BTG4: variants seen among roughly 807,000 people sequenced by gnomAD.
BTG4 encodes the protein protein BTG4.
Under a neutral mutation model 19.3 loss-of-function variants are expected in BTG4, and 10 were observed. The ratio of observed to expected loss-of-function variants is 0.52; its 90% CI spans 0.32 to 0.88. BTG4 has a LOEUF of 0.88. Ranked by LOEUF, BTG4 falls within the 40% of genes least tolerant of loss-of-function variation. The pLI is 0.04. For missense variants in BTG4, 238 were observed against 281.9 expected, an observed-to-expected ratio of 0.84 and a Z score of 1.11; for synonymous variants, 91 against 95.7, an observed-to-expected ratio of 0.95 and a Z score of 0.29.
chr11:111,436,487 G>A, the BTG4 span, among the ~76,000 whole-genome samples: 6 of 152,198 alleles, frequency 3.9e-5, no homozygotes, highest in East Asian at 1.9e-4. Flanking sequence ...TTAGCTGGGC[G>A]TGGTAGTGGG....
the BTG4 span, among the ~76,000 whole-genome samples, chr11:111,447,027 C>T: frequency 3.3e-5 from 5 of 152,180 alleles, no homozygotes; most frequent in Admixed American, 3.3e-4. Flanking sequence ...CGTGGCTGTC[C>T]CCCCACAGGT....
intron 5 of BTG4, among the ~76,000 whole-genome samples, chr11:111,478,941 G>GA (rs983014774): frequency 3.4e-5 from 5 of 145,272 alleles, no homozygotes; most frequent in Admixed American, 1.4e-4. Context: ...GGGGTAGGCT[G>GA]AAAAAAAATA....
the BTG4 span, chr11:111,398,021 C>T: frequency 1.3e-5 from 2 of 152,234 alleles, no homozygotes; most frequent in Admixed American, 6.5e-5. Flanking sequence ...CTGTCTACCA[C>T]TCTCACTTGT....
intron 1 of BTG4, among the ~76,000 whole-genome samples, chr11:111,503,016 T>C (rs1165187541): frequency 6.6e-6 from 1 of 152,212 alleles, no homozygotes; most frequent in Non-Finnish European, 1.5e-5. Context: ...AACACTCACT[T>C]AGTGACTATT....
chr11:111,437,149 A>G, the BTG4 span, among the ~76,000 whole-genome samples: 1 of 152,002 alleles, frequency 6.6e-6, no homozygotes, highest in Non-Finnish European at 1.5e-5. Flanking sequence ...CCTCAGAAGA[A>G]CATCTGCTCC....
At chr11:111,488,041 A>G (rs1481363079) in intron 5 of BTG4, among the ~76,000 whole-genome samples, 1 of 152,194 alleles carries the variant, frequency 6.6e-6, no homozygotes, top group Non-Finnish European at 1.5e-5. Context: ...AAAGCAGTCT[A>G]CAGATTCAAT....
the BTG4 span, among the ~76,000 whole-genome samples, chr11:111,442,065 C>CA: frequency 4.0e-5 from 6 of 151,266 alleles, no homozygotes; most frequent in African/African-American, 1.5e-4. Context: ...TCTCAAAAAA[C>CA]AAAAAAAGAA....
intron 5 of BTG4, among the ~76,000 whole-genome samples, chr11:111,481,098 G>C (rs551775220): frequency 1.1e-4 from 17 of 151,840 alleles, no homozygotes; most frequent in African/African-American, 3.6e-4. Flanking sequence ...TATCAAGAAT[G>C]AATGTAGGGA....
At chr11:111,464,763 G>C, downstream of BTG4, 1 of 152,232 alleles carries the variant, frequency 6.6e-6, no homozygotes, top group Non-Finnish European at 1.5e-5. Flanking sequence ...ATCTAGGAAT[G>C]TTAGAATCCT....
the BTG4 span, among the ~76,000 whole-genome samples, chr11:111,451,861 T>A: frequency 6.6e-6 from 1 of 152,174 alleles, no homozygotes; most frequent in African/African-American, 2.4e-5. Context: ...CCCACAATGC[T>A]AACAGATGGT....
At chr11:111,400,943 T>TC in the BTG4 span, 2 of 149,822 alleles carry the variant, frequency 1.3e-5, no homozygotes, top group African/African-American at 2.5e-5. Context: ...CCAGTACTCT[T>TC]CAAAACTGTC....
At chr11:111,492,428 G>A (rs1865476062), downstream of BTG4, among the ~76,000 whole-genome samples, 2 of 152,118 alleles carry the variant, frequency 1.3e-5, no homozygotes, top group African/African-American at 4.8e-5. Context: ...AACAGCTTCA[G>A]ATTTTTACAG....
At chr11:111,505,417 C>G (rs1866379873) in intron 1 of BTG4, among the ~76,000 whole-genome samples, 1 of 152,004 alleles carries the variant, frequency 6.6e-6, no homozygotes, top group Admixed American at 6.6e-5. Flanking sequence ...AACTGGCTAG[C>G]CATATGCAGA....
intron 5 of BTG4, among the ~76,000 whole-genome samples, chr11:111,482,760 TTAATC>T (rs1375634890): frequency 3.3e-5 from 5 of 152,010 alleles, no homozygotes; most frequent in African/African-American, 4.8e-5. Context: ...AAAAAGCACT[TTAATC>T]TAAGTCTGGT....
intron 1 of BTG4, among the ~76,000 whole-genome samples, chr11:111,503,824 T>C (rs1308521951): frequency 1.3e-5 from 2 of 152,150 alleles, no homozygotes; most frequent in Non-Finnish European, 2.9e-5. Context: ...GAAATTCAAC[T>C]TGATGGCTAA....
chr11:111,479,741 G>A (rs569380411), intron 5 of BTG4, among the ~76,000 whole-genome samples: 1 of 152,234 alleles, frequency 6.6e-6, no homozygotes, highest in South Asian at 2.1e-4. Context: ...ACAAAGGGAA[G>A]TAAGGTTTTT....
At chr11:111,444,904 G>A in the BTG4 span, among the ~76,000 whole-genome samples, 1 of 152,100 alleles carries the variant, frequency 6.6e-6, no homozygotes, top group Non-Finnish European at 1.5e-5. Flanking sequence ...GAGTGGTCAG[G>A]CTCTCTCCAA....
the BTG4 span, among the ~76,000 whole-genome samples, chr11:111,388,914 G>T: frequency 6.6e-6 from 1 of 152,190 alleles, no homozygotes; most frequent in African/African-American, 2.4e-5. Context: ...TTCTGAAGAT[G>T]CCACACAGGA....
chr11:111,478,139 G>C (rs1455926333), intron 5 of BTG4, among the ~76,000 whole-genome samples: 1 of 152,138 alleles, frequency 6.6e-6, no homozygotes, highest in Non-Finnish European at 1.5e-5. Flanking sequence ...CCCTGCTGTA[G>C]TGGAATCAGA....
Sources: allele counts gnomAD v4.1 joint callset (sites outside exome capture counted in the v4.1 genomes callset), GRCh38; gene constraint gnomAD v4.1.1; transcripts MANE v1.5; gene names NCBI Gene and HGNC (gene_info 2026-07-23, HGNC 2026-07-21).